The following NCOR1 variants were observed in gnomAD, a reference collection of about 807,000 sequenced individuals.
The protein encoded by NCOR1 is protein phosphatase 1, regulatory subunit 109.
In NCOR1, 63 loss-of-function variants were observed where a neutral mutation model predicts 288.1. That is an observed-to-expected ratio of 0.22 (90% CI 0.18 to 0.27). NCOR1 has a LOEUF of 0.27. NCOR1 is among the 10% of genes least tolerant of loss of function. The probability of loss-of-function intolerance (pLI) is 1.00; values close to 1 mark genes in which losing one functional copy is unlikely to be tolerated. For synonymous variants in NCOR1, 1,007 were observed against 1,065.9 expected, an observed-to-expected ratio of 0.94 and a Z score of 1.08; for missense variants, 2,397 against 3,019.2, an observed-to-expected ratio of 0.79 and a Z score of 4.83.
intron 14 of NCOR1, 50 bp downstream of exon 14, chr17:16,137,261 C>T (rs763770448): frequency 1.6e-6 from 2 of 1,243,604 alleles, no homozygotes; most frequent in African/African-American, 1.5e-5. Flanking sequence ...TTTTTGCTTG[C>T]CTATTTCCCC....
chr17:16,079,800 C>A (rs1224202257), intron 26 of NCOR1, among the ~76,000 whole-genome samples, 164 bp downstream of exon 26: 1 of 152,166 alleles, frequency 6.6e-6, no homozygotes, highest in Non-Finnish European at 1.5e-5. Flanking sequence ...TCAAAATGAT[C>A]ACATTAACGT....
At chr17:16,173,795 G>C (rs1475506097) in intron 3 of NCOR1, among the ~76,000 whole-genome samples, 1 of 152,094 alleles carries the variant, frequency 6.6e-6, no homozygotes, top group African/African-American at 2.4e-5. Context: ...GTCAGACATG[G>C]TGGTGCTCGC....
intron 42 of NCOR1, among the ~76,000 whole-genome samples, chr17:16,041,424 C>CTTTTTTTTTTTTTTTTTTTTTTTT (rs2057575771): frequency 1.1e-4 from 5 of 46,242 alleles, no homozygotes; most frequent in African/African-American, 1.9e-4. Flanking sequence ...TTTTTTTTTC[C>CTTTTTTTTTTTTTTTTTTTTTTTT]TTTGAGATGG....
chr17:16,042,361 T>C (rs1280243337), intron 42 of NCOR1, among the ~76,000 whole-genome samples: 2 of 152,212 alleles, frequency 1.3e-5, no homozygotes, highest in African/African-American at 4.8e-5. Context: ...GATTACCTTA[T>C]TGATCAAAAA....
chr17:16,159,391 C>T (rs1032945945), intron 5 of NCOR1, among the ~76,000 whole-genome samples: 1 of 86,154 alleles, frequency 1.2e-5, no homozygotes, highest in Non-Finnish European at 2.1e-5. Context: ...CCAGCCTGGG[C>T]AACAAGAGCA....
In NCOR1 at chr17:16,076,070, G is replaced by A. The variant is rs73981437; in HGVS notation, c.3502-368C>T. Reference sequence around the variant, plus strand: ...TGTTGCAAATGTAATTGCAGTTTTTGCGTTGTTGAAATTTGCCGTTTGATA... The same window carrying A: ...TGTTGCAAATGTAATTGCAGTTTTTACGTTGTTGAAATTTGCCGTTTGATA... On this transcript the variant is annotated intron_variant, in intron 26 of 45. Transcript: ENST00000268712. 7.2e-3 allele frequency among the ~76,000 whole-genome samples: 1,100 copies of A among 152,284 alleles called. 13 individuals are homozygous for A. Among genetic ancestry groups the A allele is most frequent in the African/African-American group, 0.025 (1,059 of 41,548 alleles).
At chr17:16,155,790 T>C (rs1424023676) in intron 6 of NCOR1, among the ~76,000 whole-genome samples, 1 of 152,122 alleles carries the variant, frequency 6.6e-6, no homozygotes, top group Non-Finnish European at 1.5e-5. Flanking sequence ...TTGCCTATGG[T>C]GCTGAAACAG....
chr17:16,042,701 G>A (rs1213615914), intron 42 of NCOR1, among the ~76,000 whole-genome samples: 1 of 152,216 alleles, frequency 6.6e-6, no homozygotes, highest in African/African-American at 2.4e-5. Flanking sequence ...CCATCAGGAG[G>A]CAGAGAGACC....
chr17:16,108,285 C>A, intron 19 of NCOR1: 2 of 322,650 alleles, frequency 6.2e-6, no homozygotes, highest in Admixed American at 3.5e-5. Context: ...TTTACCTTTC[C>A]ATGAACTTGT....
In NCOR1 at chr17:16,101,657, G is replaced by A. The variant is rs1172366377; in HGVS notation, c.2283C>T (p.Pro761=). ...GAACTGCTAAGGAGGGAGATGTACT[G>A]GGTGCAGTTTCCGTGGTGGGCTCAA... ...VELEPTTETA[P]STSPSLAVPS... Residue 761 remains proline, a synonymous_variant, in exon 20 of 46, where the codon CCC becomes CCT. Transcript: ENST00000268712. 2 of 1,614,050 alleles carry A rather than the reference G, an allele frequency of 1.2e-6. No homozygotes were observed. The highest frequency in any genetic ancestry group is 2.2e-5 in the East Asian group (1 of 44,894).
intron 3 of NCOR1, among the ~76,000 whole-genome samples, chr17:16,183,571 C>T (rs2085989606): frequency 6.6e-6 from 1 of 151,976 alleles, no homozygotes; most frequent in African/African-American, 2.4e-5. Context: ...AACTATAAAA[C>T]ACTGATTAAA....
chr17:16,117,170 T>C (rs1223882999), intron 18 of NCOR1, among the ~76,000 whole-genome samples: 3 of 152,194 alleles, frequency 2.0e-5, no homozygotes, highest in Non-Finnish European at 2.9e-5. Flanking sequence ...ATGTCTAATA[T>C]ACCAAATCAA....
At chr17:16,157,586 G>A (rs1264124426) in intron 6 of NCOR1, among the ~76,000 whole-genome samples, 1 of 152,128 alleles carries the variant, frequency 6.6e-6, no homozygotes, top group East Asian at 1.9e-4. Flanking sequence ...GTTACAGACT[G>A]TATGTGTAAG....
intron 18 of NCOR1, among the ~76,000 whole-genome samples, chr17:16,117,412 C>A (rs1395199013): frequency 6.6e-6 from 1 of 150,790 alleles, no homozygotes; most frequent in East Asian, 1.9e-4. Context: ...AGAGAAACAG[C>A]TAGCCTATAC....
chr17:16,044,914 A>C, intron 42 of NCOR1: 1 of 689,206 alleles, frequency 1.5e-6, no homozygotes. Context: ...AACAAAGAAG[A>C]ATCTGAGGAG....
intron 23 of NCOR1, among the ~76,000 whole-genome samples, chr17:16,081,467 C>G (rs1275481492): frequency 6.6e-6 from 1 of 150,900 alleles, no homozygotes; most frequent in Non-Finnish European, 1.5e-5. Context: ...CATTCTCATT[C>G]TCCTGATCAA....
chr17:16,089,125 T>C (rs1455822625), intron 22 of NCOR1, among the ~76,000 whole-genome samples: 3 of 134,972 alleles, frequency 2.2e-5, no homozygotes, highest in Non-Finnish European at 4.7e-5. Context: ...ATAGTAGTGG[T>C]TTTTTTTTTT....
chr17:16,144,491 T>G (rs970570057), intron 10 of NCOR1, among the ~76,000 whole-genome samples: 1 of 152,208 alleles, frequency 6.6e-6, no homozygotes, highest in Non-Finnish European at 1.5e-5. Context: ...GTTTGTTATA[T>G]AGGTAAACCT....
rs199717260 is a variant in NCOR1 at position 16,062,174 on chromosome 17, C to A, written c.5318G>T (p.Ser1773Ile). Residue 1773 changes from serine to isoleucine, a missense_variant, in exon 36 of 46, where the codon AGT becomes ATT. Coordinates refer to ENST00000268712, the MANE Select transcript of NCOR1 (RefSeq NM_006311.4). Reference sequence around the variant, plus strand: ...GGTTCCATTGGTTCCTTGGAAAACACTGGGTCTCTGTTGCAACATGGTCTC... The same window carrying A: ...GGTTCCATTGGTTCCTTGGAAAACAATGGGTCTCTGTTGCAACATGGTCTC... ...TQETMLQQRP[S>I]VFQGTNGTSV... 5 of 1,613,974 alleles carry A rather than the reference C, an allele frequency of 3.1e-6. No individual in the cohort carries two copies. The highest frequency in any genetic ancestry group is 4.2e-6 in the Non-Finnish European group (5 of 1,180,026).
Sources: gnomAD v4.1 joint callset for allele counts (sites outside exome capture counted in the v4.1 genomes callset) on GRCh38, gnomAD v4.1.1 for gene constraint, MANE v1.5 for transcripts, NCBI Gene and HGNC (gene_info 2026-07-23, HGNC 2026-07-21) for gene names.